The following PITPNM2 variants were observed in gnomAD, a reference collection of about 807,000 sequenced individuals.
PITPNM2 encodes membrane-associated phosphatidylinositol transfer protein 2.
Under a neutral mutation model 132.2 loss-of-function variants are expected in PITPNM2, and 35 were observed. The observed-to-expected ratio is 0.26, with a 90% CI of 0.20 to 0.35. PITPNM2 has a LOEUF of 0.35. Ranked by LOEUF, PITPNM2 falls within the 10% of genes least tolerant of loss-of-function variation. The pLI is 1.00. For missense variants in PITPNM2, 1,332 were observed against 1,912.0 expected, an observed-to-expected ratio of 0.70 and a Z score of 5.66; for synonymous variants, 738 against 799.2, an observed-to-expected ratio of 0.92 and a Z score of 1.29.
At chr12:123,135,684 T>C (rs937170711) in intron 1 of PITPNM2, among the ~76,000 whole-genome samples, 1 of 152,196 alleles carries the variant, frequency 6.6e-6, no homozygotes, top group Non-Finnish European at 1.5e-5. Flanking sequence ...TTATTCCACG[T>C]GGCAGGATTT....
At chr12:123,048,545 T>C (rs767892170) in intron 2 of PITPNM2, among the ~76,000 whole-genome samples, 1 of 152,208 alleles carries the variant, frequency 6.6e-6, no homozygotes, top group African/African-American at 2.4e-5. Flanking sequence ...CCCGAGTAGC[T>C]GGGACTACAG....
At chr12:123,142,521 C>G (rs181153814) in intron 1 of PITPNM2, among the ~76,000 whole-genome samples, 1 of 152,274 alleles carries the variant, frequency 6.6e-6, no homozygotes, top group Non-Finnish European at 1.5e-5. Context: ...TTAAACACAT[C>G]AAACAAATTT....
intron 1 of PITPNM2, among the ~76,000 whole-genome samples, chr12:123,118,602 G>C (rs2042974134): frequency 6.6e-6 from 1 of 152,210 alleles, no homozygotes; most frequent in Non-Finnish European, 1.5e-5. Context: ...CTTGGGAAGA[G>C]TTCTGAGGGG....
At chr12:123,054,389 C>A (rs991517466) in intron 2 of PITPNM2, among the ~76,000 whole-genome samples, 3 of 152,182 alleles carry the variant, frequency 2.0e-5, no homozygotes, top group Admixed American at 6.5e-5. Flanking sequence ...TTTGTTCTAT[C>A]AGATTTAGGG....
Position 122,986,064 on chromosome 12 carries a change from C to A in PITPNM2, c.4013G>T (p.Gly1338Val). ...AAGCWGRAMT[G>V]RLEPGAAAGP... ...CGCGGCTGCCCCCGGCTCCAGGCGGCCAGTCATGGCGCGGCCCCAGCAGCC... is the reference window on the plus strand; with the variant it reads ...CGCGGCTGCCCCCGGCTCCAGGCGGACAGTCATGGCGCGGCCCCAGCAGCC... The change falls in exon 26 of 26, where the codon GGC becomes GTC. Residue 1338 changes from glycine (G) to valine (V), a missense_variant. By Grantham distance (109) the Gly-to-Val change is moderately radical. Transcript: ENST00000320201. 7.1e-7 allele frequency: 1 copy of A among 1,416,962 alleles called. No homozygotes were observed. 87.8% of individuals were successfully genotyped at this position (1,416,962 alleles called of 1,614,324 possible).
intron 2 of PITPNM2, among the ~76,000 whole-genome samples, chr12:123,060,029 T>G (rs1358229867): frequency 6.6e-6 from 1 of 152,172 alleles, no homozygotes; most frequent in Admixed American, 6.5e-5. Flanking sequence ...ATCAGTTTCC[T>G]TTTTTTCTCC....
At chr12:123,017,791 T>C (rs1396874591) in intron 3 of PITPNM2, among the ~76,000 whole-genome samples, 2 of 152,190 alleles carry the variant, frequency 1.3e-5, no homozygotes, top group Admixed American at 1.3e-4. Context: ...GTGATTCCAT[T>C]TACATGGAAA....
intron 13 of PITPNM2, among the ~76,000 whole-genome samples, chr12:122,996,207 C>A (rs2038419451): frequency 6.6e-6 from 1 of 152,250 alleles, no homozygotes; most frequent in South Asian, 2.1e-4. Context: ...GCACCCCCAA[C>A]CCCTCCACAG....
At chr12:123,123,628 A>T (rs899666869) in intron 1 of PITPNM2, among the ~76,000 whole-genome samples, 12 of 152,222 alleles carry the variant, frequency 7.9e-5, no homozygotes, top group South Asian at 2.1e-4. Context: ...AAAACAAAAA[A>T]AAATTAAATT....
intron 1 of PITPNM2, among the ~76,000 whole-genome samples, chr12:123,135,856 CA>C (rs1000332394): frequency 1.3e-5 from 2 of 152,184 alleles, no homozygotes; most frequent in African/African-American, 4.8e-5. Flanking sequence ...CCACCCTACC[CA>C]TTTTGGGATT....
Position 123,005,997 on chromosome 12 carries a change from G to C in PITPNM2, c.644-449C>G, listed in dbSNP as rs918127136. 4 of 155,280 alleles carry C rather than the reference G, an allele frequency of 2.6e-5. No homozygotes were observed. The highest frequency in any genetic ancestry group is 9.6e-5 in the African/African-American group (4 of 41,454). 9.6% of individuals were successfully genotyped at this position (155,280 alleles called of 1,614,324 possible). On this transcript the variant is annotated intron_variant, in intron 6 of 25. Transcript: ENST00000320201. This position sits in a 1 kb window ranked among gnomAD's most constrained non-coding sequence, Gnocchi z 6.2. ...ATGCTGGTGTGCGCTTGTAGTCCCA[G>C]CTACTCTAGAGGCCGAGGTGGGAGG...
intron 3 of PITPNM2, among the ~76,000 whole-genome samples, chr12:123,021,438 C>G (rs1027837866): frequency 6.6e-6 from 1 of 152,214 alleles, no homozygotes; most frequent in Admixed American, 6.5e-5. Flanking sequence ...CTCAAGCAAT[C>G]CTTCTGCCTC....
intron 2 of PITPNM2, among the ~76,000 whole-genome samples, chr12:123,043,666 G>A (rs1480844178): frequency 6.6e-6 from 1 of 152,244 alleles, no homozygotes; most frequent in Non-Finnish European, 1.5e-5. Context: ...AGCTCCAGGA[G>A]CAGGAGTGGG....
chr12:123,043,046 C>A (rs1409185151), intron 2 of PITPNM2, among the ~76,000 whole-genome samples: 1 of 152,096 alleles, frequency 6.6e-6, no homozygotes, highest in Non-Finnish European at 1.5e-5. Context: ...ATCGTCCAAT[C>A]CCTGCCCCAG....
intron 2 of PITPNM2, among the ~76,000 whole-genome samples, chr12:123,044,245 T>G (rs1310645068): frequency 1.3e-5 from 2 of 152,332 alleles, no homozygotes; most frequent in East Asian, 3.9e-4. Context: ...GTCACCTCCC[T>G]GAGGCCACCA....
At chr12:123,125,866 T>TG (rs2043128282) in intron 1 of PITPNM2, among the ~76,000 whole-genome samples, 1 of 87,384 alleles carries the variant, frequency 1.1e-5, no homozygotes, top group Non-Finnish European at 2.6e-5. Flanking sequence ...AAATTAGGGT[T>TG]TTTTTTTTTT....
In PITPNM2 at chr12:122,988,321, C is replaced by A; in HGVS notation, c.2910G>T (p.Leu970Phe). Residue 970 changes from leucine to phenylalanine, a missense_variant, in exon 20 of 26, where the codon TTG becomes TTT. Around this residue, in one of 6 missense-constraint regions of PITPNM2, gnomAD observed 251 missense variants for 472.0 expected, o/e 0.53. Transcript: ENST00000320201. ...QVMRHDNSSI[L>F]ELDGKEVSVF... ...CCGACACTTCCTTGCCATCCAGCTC[C>A]AAGATGCTGGAGTTGTCATGCCTCA... 1 of 1,613,468 alleles carries A rather than the reference C, an allele frequency of 6.2e-7. No individual in the cohort carries two copies. The highest frequency in any genetic ancestry group is 8.5e-7 in the Non-Finnish European group (1 of 1,179,994).
At chr12:123,138,113 A>G (rs2043422035) in intron 1 of PITPNM2, among the ~76,000 whole-genome samples, 1 of 152,116 alleles carries the variant, frequency 6.6e-6, no homozygotes, top group African/African-American at 2.4e-5. Flanking sequence ...TGAAGAAAGA[A>G]AATGTGGTGT....
chr12:123,137,294 T>C (rs1487834449), intron 1 of PITPNM2, among the ~76,000 whole-genome samples: 1 of 152,084 alleles, frequency 6.6e-6, no homozygotes, highest in African/African-American at 2.4e-5. Flanking sequence ...CACCTTTTCC[T>C]GGAGCTGGCC....
Sources: allele counts gnomAD v4.1 joint callset (sites outside exome capture counted in the v4.1 genomes callset), GRCh38; gene constraint gnomAD v4.1.1; regional missense constraint gnomAD v4.1.1; non-coding constraint Gnocchi (gnomAD v3.1); transcripts MANE v1.5; gene names NCBI Gene and HGNC (gene_info 2026-07-23, HGNC 2026-07-21).